Variants in SAMMSON observed in about 807,000 individuals in gnomAD.
SAMMSON encodes the protein survival associated mitochondrial melanoma specific oncogenic non-coding RNA, also known as long intergenic non-protein coding RNA 1212.
intron 7 of SAMMSON, among the ~76,000 whole-genome samples, chr3:70,315,683 T>G (rs1575624168): frequency 6.6e-6 from 1 of 152,068 alleles, no homozygotes; most frequent in East Asian, 1.9e-4. Flanking sequence ...GGACTAAGAT[T>G]TAGTCTCTTG....
chr3:70,381,914 A>C (rs1008568650), intron 9 of SAMMSON, among the ~76,000 whole-genome samples: 5 of 152,156 alleles, frequency 3.3e-5, no homozygotes, highest in African/African-American at 1.2e-4. Flanking sequence ...GGACTTTTCA[A>C]TGGTCATTTG....
At chr3:70,015,155 C>G (rs2066977592) in intron 3 of SAMMSON, 1 of 152,292 alleles carries the variant, frequency 6.6e-6, no homozygotes. Context: ...GTGGCAGGCG[C>G]CTGTAGTCCC....
intron 6 of SAMMSON, among the ~76,000 whole-genome samples, chr3:70,255,627 A>G (rs1265803818): frequency 6.6e-6 from 1 of 150,572 alleles, no homozygotes; most frequent in Non-Finnish European, 1.5e-5. Flanking sequence ...AAGCCTGGCT[A>G]TTTTTTTTTC....
At chr3:70,410,851 A>G (rs777852283) in intron 2 of SAMMSON, among the ~76,000 whole-genome samples, 1 of 152,206 alleles carries the variant, frequency 6.6e-6, no homozygotes, top group Non-Finnish European at 1.5e-5. Context: ...ATGCACAGCA[A>G]TGACCTTCCA....
intron 3 of SAMMSON, among the ~76,000 whole-genome samples, chr3:70,070,805 T>C (rs974504233): frequency 6.6e-6 from 1 of 152,090 alleles, no homozygotes; most frequent in Non-Finnish European, 1.5e-5. Flanking sequence ...CATCGTCTTA[T>C]ATTAACATGG....
intron 1 of SAMMSON, among the ~76,000 whole-genome samples, chr3:70,008,211 C>T (rs2107575746): frequency 6.6e-6 from 1 of 152,216 alleles, no homozygotes; most frequent in South Asian, 2.1e-4. Flanking sequence ...ATGGGGATGG[C>T]ATTGAATCTC....
At chr3:70,396,513 T>A (rs1413979283) in intron 2 of SAMMSON, among the ~76,000 whole-genome samples, 3 of 152,196 alleles carry the variant, frequency 2.0e-5, no homozygotes, top group Non-Finnish European at 2.9e-5. Context: ...CATACATGAT[T>A]CTGACATTGT....
chr3:70,179,598 T>C (rs1701035255), intron 4 of SAMMSON, among the ~76,000 whole-genome samples: 1 of 152,238 alleles, frequency 6.6e-6, no homozygotes, highest in Non-Finnish European at 1.5e-5. Flanking sequence ...AGTAAGTTTC[T>C]TTATGGCAGA....
intron 1 of SAMMSON, among the ~76,000 whole-genome samples, chr3:70,007,811 A>G (rs2066934708): frequency 6.6e-6 from 1 of 152,100 alleles, no homozygotes; most frequent in African/African-American, 2.4e-5. Context: ...TCCATCTTGA[A>G]TTAATTTTTG....
chr3:70,096,730 G>T (rs1309251102), intron 4 of SAMMSON, among the ~76,000 whole-genome samples: 2 of 152,158 alleles, frequency 1.3e-5, no homozygotes, highest in Admixed American at 6.5e-5. Context: ...GCTGCCTACA[G>T]AATTAATTAG....
chr3:70,426,586 T>G (rs568097490), intron 2 of SAMMSON, among the ~76,000 whole-genome samples: 3 of 152,296 alleles, frequency 2.0e-5, no homozygotes, highest in East Asian at 3.9e-4. Context: ...CCTTCTCTTC[T>G]TCATTCTTCT....
rs1296170995 is a variant in SAMMSON at position 70,172,690 on chromosome 3, C to T, written n.508-76417C>T. On this transcript the variant is annotated intron_variant and non_coding_transcript_variant, in intron 4 of 9. Transcript: ENST00000642114. ...AAGGCACATGACTTCAGCATCTGTC[C>T]CTTATAGCGATAACCATATTTTCTC... is the stretch of plus-strand genomic sequence containing the variant. 3.9e-5 allele frequency: 6 copies of T among 151,956 alleles called. No individual in the cohort carries two copies. The South Asian group carries it at 1.2e-3, about 32-fold the overall frequency. 9.4% of individuals were successfully genotyped at this position (151,956 alleles called of 1,614,324 possible).
chr3:70,132,525 A>T (rs532066149), intron 4 of SAMMSON, among the ~76,000 whole-genome samples: 1 of 152,196 alleles, frequency 6.6e-6, no homozygotes, highest in East Asian at 1.9e-4. Flanking sequence ...TCCTTGTCTT[A>T]TTCTTCCCAG....
At chr3:70,022,638 A>G (rs1411474440) in intron 3 of SAMMSON, among the ~76,000 whole-genome samples, 1 of 152,106 alleles carries the variant, frequency 6.6e-6, no homozygotes, top group African/African-American at 2.4e-5. Flanking sequence ...AATTGACTAG[A>G]TGAAATAAAG....
intron 4 of SAMMSON, among the ~76,000 whole-genome samples, chr3:70,174,025 T>C (rs1200149202): frequency 6.6e-6 from 1 of 151,924 alleles, no homozygotes; most frequent in African/African-American, 2.4e-5. Flanking sequence ...TTGCTCAAGT[T>C]CTTAACTCCT....
chr3:70,223,030 G>T (rs917564611), intron 4 of SAMMSON, among the ~76,000 whole-genome samples: 3 of 152,116 alleles, frequency 2.0e-5, no homozygotes, highest in Admixed American at 6.6e-5. Flanking sequence ...GTATGAGTTA[G>T]GGGCAGGCTT....
intron 9 of SAMMSON, among the ~76,000 whole-genome samples, chr3:70,376,105 A>G (rs988465197): frequency 3.3e-5 from 5 of 152,166 alleles, no homozygotes; most frequent in Admixed American, 2.6e-4. Flanking sequence ...TTTCATTTTC[A>G]TACTGCAGAA....
chr3:70,267,556 C>G (rs796676276), intron 6 of SAMMSON, among the ~76,000 whole-genome samples: 80 of 149,740 alleles, frequency 5.3e-4, no homozygotes, highest in African/African-American at 1.9e-3. Flanking sequence ...GCGCCCGCCA[C>G]CATGCCCGGC....
At chr3:70,342,696 T>A (rs1296591928) in intron 7 of SAMMSON, among the ~76,000 whole-genome samples, 2 of 152,308 alleles carry the variant, frequency 1.3e-5, no homozygotes, top group East Asian at 3.9e-4. Flanking sequence ...AACATCATCT[T>A]TTGACAGAAA....
Sources: allele counts gnomAD v4.1 joint callset (sites outside exome capture counted in the v4.1 genomes callset), GRCh38; gene constraint gnomAD v4.1.1; transcripts MANE v1.5; gene names NCBI Gene and HGNC (gene_info 2026-07-23, HGNC 2026-07-21).